AASDH: variants seen among roughly 807,000 people sequenced by gnomAD.
AASDH encodes the protein beta-alanine-activating enzyme.
In AASDH, 81 loss-of-function variants were observed where a neutral mutation model predicts 102.3. The observed-to-expected ratio is 0.79, with a 90% confidence interval of 0.66 to 0.95. The LOEUF (loss-of-function observed/expected upper bound fraction) is 0.95. Among genes scored for constraint, AASDH ranks in the 40% least tolerant of loss-of-function variants. The pLI, the probability that AASDH is intolerant of heterozygous loss-of-function variation, is 0.00. For synonymous variants in AASDH, 398 were observed against 454.0 expected, an observed-to-expected ratio of 0.88 and a Z score of 1.57; for missense variants, 1,203 against 1,266.2, an observed-to-expected ratio of 0.95 and a Z score of 0.76.
At chr4:56,380,653 C>T (rs1752846067) in intron 3 of AASDH, among the ~76,000 whole-genome samples, 1 of 152,122 alleles carries the variant, frequency 6.6e-6, no homozygotes, top group Admixed American at 6.6e-5. Flanking sequence ...CTTTTCTCTC[C>T]AACTACATTA....
intron 5 of AASDH, among the ~76,000 whole-genome samples, chr4:56,364,182 G>C (rs1750693119): frequency 6.6e-6 from 1 of 152,198 alleles, no homozygotes; most frequent in South Asian, 2.1e-4. Flanking sequence ...AGAATAAAAA[G>C]AAATGAACAA....
chr4:56,350,339 C>T (rs1748855044), intron 10 of AASDH, among the ~76,000 whole-genome samples: 1 of 151,992 alleles, frequency 6.6e-6, no homozygotes, highest in African/African-American at 2.4e-5. Context: ...CCTGTAATCT[C>T]AGCTACTCGG....
At chr4:56,356,353 T>C in intron 5 of AASDH, 1 of 1,582,950 alleles carries the variant, frequency 6.3e-7, no homozygotes. Context: ...AATAAGCGGC[T>C]GAAAGTGCCT....
intron 1 of AASDH, among the ~76,000 whole-genome samples, chr4:56,385,194 A>G (rs745346637): frequency 2.0e-5 from 3 of 152,256 alleles, no homozygotes; most frequent in Non-Finnish European, 4.4e-5. Context: ...GACAGAAGAA[A>G]GCAAAAAACC....
intron 4 of AASDH, 44 bp downstream of exon 4, chr4:56,378,104 C>A: frequency 6.5e-7 from 1 of 1,534,702 alleles, no homozygotes; most frequent in Non-Finnish European, 8.8e-7. Flanking sequence ...CCACACCTGG[C>A]CTAAAATATA....
At chr4:56,354,234 T>C (rs749543203) in intron 7 of AASDH, 23 bp from the exon 8 acceptor site, 1 of 1,501,352 alleles carries the variant, frequency 6.7e-7, no homozygotes, top group Non-Finnish European at 8.9e-7. Context: ...TAAACACCAA[T>C]GTCATAAAAA....
chr4:56,340,335 A>G (rs754132215), intron 14 of AASDH, among the ~76,000 whole-genome samples: 13 of 152,230 alleles, frequency 8.5e-5, no homozygotes, highest in Non-Finnish European at 1.3e-4. Flanking sequence ...AAATAGATCA[A>G]TGTAATAGAA....
Position 56,349,343 on chromosome 4 carries a change from T to C in AASDH, c.2408A>G (p.Lys803Arg). 6.2e-7 allele frequency: 1 copy of C among 1,614,208 alleles called. No individual in the cohort carries two copies. Among genetic ancestry groups the C allele is most frequent in the Non-Finnish European group, 8.5e-7 (1 of 1,180,046 alleles). The change falls in exon 11 of 15, where the codon AAG becomes AGG. Residue 803 changes from lysine (K) to arginine (R), a missense_variant. Lys to Arg is a conservative substitution (Grantham distance 26). Transcript: ENST00000205214. ...TCCCAAAATCTGTTCCCATTTTACC[T>C]TCCCAGAGTAAAAGTCAACTGCCTT... is the stretch of plus-strand genomic sequence containing the variant. ...RMKAVDFYSG[K>R]VKWEQILGDR...
At chr4:56,354,548 A>G (rs758215637) in intron 7 of AASDH, among the ~76,000 whole-genome samples, 157 bp downstream of exon 7, 39 of 152,186 alleles carry the variant, frequency 2.6e-4, no homozygotes, top group Non-Finnish European at 5.6e-4. Context: ...TGAAATAATT[A>G]TTGTAACATT....
intron 5 of AASDH, among the ~76,000 whole-genome samples, chr4:56,368,292 A>G (rs1751267159): frequency 1.3e-5 from 2 of 152,180 alleles, no homozygotes; most frequent in Admixed American, 6.6e-5. Flanking sequence ...TAGTTTAACC[A>G]TTGTGGAAGT....
Position 56,342,896 on chromosome 4 carries a change from T to C in AASDH, c.2846A>G (p.Gln949Arg), listed in dbSNP as rs762610042. The change falls in exon 14 of 15, where the codon CAG becomes CGG. Residue 949 changes from glutamine to arginine, a missense_variant. Physicochemically the swap from Gln to Arg is conservative, Grantham distance 43. Transcript: ENST00000205214. Reference sequence around the variant, plus strand: ...ATCTACACAGCCAATACAAATATACTGTGAGCAACATTGTGGGGAAGAGAA... The same window carrying C: ...ATCTACACAGCCAATACAAATATACCGTGAGCAACATTGTGGGGAAGAGAA... ...PLFSSPQCCSQYICIGCVDGN... is the reference protein window; with the variant it reads ...PLFSSPQCCSRYICIGCVDGN... The C allele has an allele frequency of 1.3e-5, 20 of 1,591,866 alleles. No individual in the cohort carries two copies. The East Asian group carries it at 4.1e-4, about 33-fold the overall frequency.
At chr4:56,364,510 A>T (rs1335493513) in intron 5 of AASDH, among the ~76,000 whole-genome samples, 1 of 152,260 alleles carries the variant, frequency 6.6e-6, no homozygotes. Context: ...TCAGACTAAC[A>T]GCTGATCACT....
chr4:56,372,322 T>C (rs1328278936), intron 4 of AASDH, among the ~76,000 whole-genome samples: 1 of 152,202 alleles, frequency 6.6e-6, no homozygotes, highest in Non-Finnish European at 1.5e-5. Context: ...GGCCCCACAA[T>C]TGTGTAAACC....
rs770344362 is a variant in AASDH, at chr4:56,349,999, A to G, written c.1752T>C (p.Asn584=). 11 of 1,610,676 alleles carry G rather than the reference A, an allele frequency of 6.8e-6. No homozygotes were observed. Among genetic ancestry groups the G allele is most frequent in the Non-Finnish European group, 8.5e-6 (10 of 1,179,812 alleles). ...LRVPDESLFL[N]SGGDSLKSIR... ...TGGACTTTAAGGAATCTCCACCACT[A>G]TTTAAGAAGAGTGACTCATCAGGAA... The change falls in exon 11 of 15, where the codon AAT becomes AAC. Residue 584 remains asparagine (N), a synonymous_variant. Transcript: ENST00000205214.
intron 3 of AASDH, among the ~76,000 whole-genome samples, chr4:56,378,688 CTA>C (rs1023760346): frequency 2.0e-5 from 3 of 151,776 alleles, no homozygotes; most frequent in African/African-American, 7.3e-5. Flanking sequence ...TAAATGATCT[CTA>C]GATTACTTAT....
At chr4:56,383,991 C>A in intron 2 of AASDH, 79 bp downstream of exon 2, 1 of 1,235,318 alleles carries the variant, frequency 8.1e-7, no homozygotes, top group Non-Finnish European at 1.2e-6. Context: ...GTAAACAGAA[C>A]AATAACTTGC....
At position 56,349,351 on chromosome 4, in the gene AASDH, G is replaced by C. The variant is rs780586323; in HGVS notation, c.2400C>G (p.Tyr800Ter). 1.9e-6 allele frequency: 3 copies of C among 1,614,148 alleles called. No individual in the cohort carries two copies. The Admixed American group carries it at 5.0e-5, about 27-fold the overall frequency. Residue 800 changes from tyrosine (Y) to a stop codon, truncating the protein, a stop_gained, in exon 11 of 15, where the codon TAC becomes TAG. Coordinates refer to ENST00000205214, the MANE Select transcript of AASDH (RefSeq NM_181806.4). LOFTEE classifies it high-confidence loss of function. ...TCTGTTCCCATTTTACCTTCCCAGA[G>C]TAAAAGTCAACTGCCTTCATTCTAT... The part of the protein sequence containing the change: ...HSHRMKAVDF[Y>*]SGKVKWEQIL...
intron 9 of AASDH, among the ~76,000 whole-genome samples, chr4:56,353,119 C>T (rs1749192999): frequency 6.6e-6 from 1 of 151,988 alleles, no homozygotes; most frequent in African/African-American, 2.4e-5. Context: ...TCCACTTTAG[C>T]TTCCCTGAGT....
chr4:56,351,255 T>C, intron 10 of AASDH, 87 bp downstream of exon 10: 1 of 799,578 alleles, frequency 1.3e-6, no homozygotes, highest in Non-Finnish European at 2.0e-6. Flanking sequence ...CTCAGAAAAT[T>C]TTATCCAACT....
Sources: allele counts gnomAD v4.1 joint callset (sites outside exome capture counted in the v4.1 genomes callset), GRCh38; gene constraint gnomAD v4.1.1; transcripts MANE v1.5; gene names NCBI Gene and HGNC (gene_info 2026-07-23, HGNC 2026-07-21).